Variants in GNA14 observed in about 807,000 individuals in gnomAD.
GNA14 encodes the protein G protein subunit alpha 14, also known as guanine nucleotide-binding protein subunit alpha-14.
In GNA14, 50 loss-of-function variants were observed where a neutral mutation model predicts 42.0. That is an observed-to-expected ratio of 1.19 (90% CI 0.95 to 1.51). The LOEUF is 1.51. Among genes scored for constraint, GNA14 ranks in the 40% most tolerant of loss-of-function variants. GNA14 has a pLI of 0.00. For missense variants in GNA14, 473 were observed against 446.2 expected, an observed-to-expected ratio of 1.06 and a Z score of -0.54; for synonymous variants, 173 against 163.1, an observed-to-expected ratio of 1.06 and a Z score of -0.46.
chr9:77,435,135 G>A (rs1477028966), intron 2 of GNA14, among the ~76,000 whole-genome samples: 3 of 151,206 alleles, frequency 2.0e-5, no homozygotes, highest in South Asian at 2.1e-4. Flanking sequence ...GAGGCGGGCC[G>A]ATCACAAGGT....
intron 1 of GNA14, among the ~76,000 whole-genome samples, chr9:77,592,984 T>C (rs1823413049): frequency 6.6e-6 from 1 of 152,054 alleles, no homozygotes; most frequent in African/African-American, 2.4e-5. Flanking sequence ...GGCTGGGCTG[T>C]TTCAATGATC....
intron 2 of GNA14, among the ~76,000 whole-genome samples, chr9:77,480,374 A>C (rs928732398): frequency 5.3e-5 from 8 of 152,156 alleles, no homozygotes; most frequent in Non-Finnish European, 1.2e-4. Context: ...CATATGCTGA[A>C]CCAGCCTTGC....
intron 2 of GNA14, among the ~76,000 whole-genome samples, chr9:77,523,826 C>A (rs1220340280): frequency 2.6e-5 from 4 of 152,130 alleles, no homozygotes; most frequent in Admixed American, 2.6e-4. Flanking sequence ...TAGGGCTGAC[C>A]TTTGCCCTTG....
intron 1 of GNA14, among the ~76,000 whole-genome samples, chr9:77,596,583 C>T (rs75705447): frequency 1.8e-4 from 27 of 151,814 alleles, no homozygotes; most frequent in Non-Finnish European, 2.2e-4. Flanking sequence ...TGTCAGGTGG[C>T]GACATGCGGG....
intron 4 of GNA14, 60 bp from the exon 5 acceptor site, chr9:77,429,096 G>A: frequency 6.5e-7 from 1 of 1,546,360 alleles, no homozygotes; most frequent in Non-Finnish European, 8.9e-7. Flanking sequence ...CGGGGAAAAA[G>A]GACATGAATT....
intron 2 of GNA14, among the ~76,000 whole-genome samples, chr9:77,447,606 C>T (rs1265681590): frequency 2.0e-5 from 3 of 151,866 alleles, no homozygotes; most frequent in African/African-American, 7.2e-5. Flanking sequence ...CTTCACAGTC[C>T]ATTATGAGGT....
chr9:77,495,661 G>A (rs1179365340), intron 2 of GNA14, among the ~76,000 whole-genome samples: 2 of 152,186 alleles, frequency 1.3e-5, no homozygotes, highest in East Asian at 1.9e-4. Context: ...ATTCTCTAAA[G>A]TTTACTGTAT....
intron 2 of GNA14, among the ~76,000 whole-genome samples, chr9:77,470,142 C>T (rs557792607): frequency 2.0e-5 from 3 of 152,086 alleles, no homozygotes; most frequent in South Asian, 2.1e-4. Context: ...AGAATGCTCA[C>T]GGGTACAGAA....
chr9:77,581,035 CACAA>C (rs1396817060), intron 1 of GNA14, among the ~76,000 whole-genome samples: 1 of 139,526 alleles, frequency 7.2e-6, no homozygotes, highest in Non-Finnish European at 1.6e-5. Flanking sequence ...CACACACACA[CACAA>C]TAGTACCCAC....
intron 1 of GNA14, among the ~76,000 whole-genome samples, chr9:77,540,135 C>G (rs181274647): frequency 1.6e-3 from 251 of 152,202 alleles, no homozygotes; most frequent in Middle Eastern, 6.8e-3. Flanking sequence ...TGAACACTCC[C>G]TTCTCTGTAT....
intron 1 of GNA14, among the ~76,000 whole-genome samples, chr9:77,568,939 T>G (rs1433820756): frequency 6.6e-6 from 1 of 152,188 alleles, no homozygotes; most frequent in Admixed American, 6.5e-5. Flanking sequence ...TCATGCCACG[T>G]CTGAGATCAG....
chr9:77,621,827 A>G (rs1823928198), intron 1 of GNA14, among the ~76,000 whole-genome samples: 1 of 152,146 alleles, frequency 6.6e-6, no homozygotes, highest in Non-Finnish European at 1.5e-5. Flanking sequence ...AAACACAAAT[A>G]TTTGTTTTGA....
At chr9:77,562,830 A>G (rs1486597360) in intron 1 of GNA14, among the ~76,000 whole-genome samples, 1 of 152,172 alleles carries the variant, frequency 6.6e-6, no homozygotes, top group African/African-American at 2.4e-5. Context: ...CCTGATCCCT[A>G]GTATTTACTA....
intron 2 of GNA14, among the ~76,000 whole-genome samples, chr9:77,467,415 C>T (rs1225653577): frequency 2.0e-5 from 3 of 151,542 alleles, no homozygotes; most frequent in Non-Finnish European, 4.4e-5. Flanking sequence ...TGAATACAGC[C>T]TTGTGTACAC....
intron 1 of GNA14, among the ~76,000 whole-genome samples, chr9:77,563,526 T>A (rs1822917131): frequency 6.6e-6 from 1 of 152,116 alleles, no homozygotes; most frequent in Non-Finnish European, 1.5e-5. Flanking sequence ...TGACCCTAGG[T>A]CAAGTATAAA....
chr9:77,462,986 T>C (rs933850262), intron 2 of GNA14, among the ~76,000 whole-genome samples: 6 of 152,146 alleles, frequency 3.9e-5, no homozygotes, highest in Admixed American at 1.3e-4. Flanking sequence ...TCTTCTAAGA[T>C]GTCTCCAACC....
intron 1 of GNA14, among the ~76,000 whole-genome samples, chr9:77,646,430 G>A (rs906942645): frequency 2.0e-5 from 3 of 148,560 alleles, no homozygotes; most frequent in African/African-American, 7.4e-5. Flanking sequence ...CTGTGGGGAG[G>A]GGCACACCCC....
intron 2 of GNA14, among the ~76,000 whole-genome samples, chr9:77,478,509 G>A (rs1162837436): frequency 6.6e-6 from 1 of 152,038 alleles, no homozygotes. Context: ...TGTCTTTATA[G>A]CAGCATGATT....
At chr9:77,438,799 A>G (rs921989614) in intron 2 of GNA14, among the ~76,000 whole-genome samples, 2 of 152,206 alleles carry the variant, frequency 1.3e-5, no homozygotes, top group Non-Finnish European at 2.9e-5. Flanking sequence ...GAAATGTTTG[A>G]GTAAGTTGCA....
Sources: gnomAD v4.1 joint callset for allele counts (sites outside exome capture counted in the v4.1 genomes callset) on GRCh38, gnomAD v4.1.1 for gene constraint, MANE v1.5 for transcripts, NCBI Gene and HGNC (gene_info 2026-07-23, HGNC 2026-07-21) for gene names.